PARD3: variants seen among roughly 807,000 people sequenced by gnomAD.
PARD3 encodes the protein par-3 family cell polarity regulator.
In PARD3, 75 loss-of-function variants were observed where a neutral mutation model predicts 155.4. That is an observed-to-expected ratio of 0.48 (90% CI 0.40 to 0.58). PARD3 has a LOEUF of 0.58. Ranked by LOEUF, PARD3 falls within the 20% of genes least tolerant of loss-of-function variation. PARD3 has a pLI of 0.00. For synonymous variants in PARD3, 576 were observed against 610.5 expected (o/e 0.94, Z 0.83); for missense variants, 1,642 against 1,721.7 (o/e 0.95, Z 0.82).
chr10:34,276,869 C>T (rs1955909309), intron 21 of PARD3, among the ~76,000 whole-genome samples: 1 of 152,010 alleles, frequency 6.6e-6, no homozygotes, highest in Non-Finnish European at 1.5e-5. Context: ...TTAAAGACTA[C>T]AAGAAATAGA....
intron 12 of PARD3, among the ~76,000 whole-genome samples, chr10:34,371,680 T>C (rs553700658): frequency 5.9e-5 from 9 of 152,158 alleles, no homozygotes; most frequent in Non-Finnish European, 1.2e-4. Context: ...AAGGGACATA[T>C]TGACATTACC....
chr10:34,371,968 T>C (rs1428173027), intron 12 of PARD3, among the ~76,000 whole-genome samples: 2 of 152,166 alleles, frequency 1.3e-5, no homozygotes, highest in African/African-American at 2.4e-5. Flanking sequence ...AGGATGCAAC[T>C]ATGTTTGCAT....
chr10:34,554,415 A>T (rs1589990483), intron 2 of PARD3, among the ~76,000 whole-genome samples: 1 of 152,358 alleles, frequency 6.6e-6, no homozygotes, highest in East Asian at 1.9e-4. Context: ...TGTATTAAGA[A>T]TGTGAAAGAT....
intron 1 of PARD3, among the ~76,000 whole-genome samples, chr10:34,793,778 CAA>C (rs113341656): frequency 2.9e-4 from 38 of 130,728 alleles, no homozygotes; most frequent in East Asian, 4.5e-4. Context: ...AACTCCATCT[CAA>C]AAAAAAAAAA....
chr10:34,324,162 A>C (rs1277912049), intron 19 of PARD3, among the ~76,000 whole-genome samples: 2 of 152,222 alleles, frequency 1.3e-5, no homozygotes, highest in Non-Finnish European at 2.9e-5. Context: ...ACAGCATAAA[A>C]ATGTTTAGAG....
intron 3 of PARD3, among the ~76,000 whole-genome samples, chr10:34,478,641 T>G (rs1589717661): frequency 6.6e-6 from 1 of 152,146 alleles, no homozygotes; most frequent in African/African-American, 2.4e-5. Flanking sequence ...CCTCCCAGGT[T>G]TAAGTAATTA....
intron 1 of PARD3, among the ~76,000 whole-genome samples, chr10:34,787,316 T>C (rs972327894): frequency 1.3e-5 from 2 of 152,142 alleles, no homozygotes; most frequent in South Asian, 2.1e-4. Flanking sequence ...GAGGCGAAGG[T>C]TGCAGTGAGC....
At chr10:34,192,415 T>C (rs545200245) in intron 22 of PARD3, among the ~76,000 whole-genome samples, 4 of 152,188 alleles carry the variant, frequency 2.6e-5, no homozygotes, top group African/African-American at 9.6e-5. Flanking sequence ...TTTTTCTATC[T>C]GCCCTTTTGG....
At position 34,301,818 on chromosome 10, in the gene PARD3, CTTTTTTTTTTTTTT is replaced by C. The variant is rs5784408; in HGVS notation, c.3065+15275_3065+15288del. Among the ~76,000 whole-genome samples the C allele has an allele frequency of 1.3e-3, 158 of 125,828 alleles. 1 individual carries two copies. The highest frequency in any genetic ancestry group is 4.5e-3 in the African/African-American group (150 of 33,584). 82.5% of individuals were successfully genotyped at this position (125,828 alleles called of 152,430 possible). On this transcript the variant is annotated intron_variant, in intron 20 of 24. Coordinates refer to ENST00000374788, the MANE Select transcript of PARD3 (RefSeq NM_001184785.2). ...TCTTTCTTATTGTTCTTTCTCCTTTCTTTTTTTTTTTTTTTTTTTTAACATCAAATCAAATAAGC... is the reference window on the plus strand; with the variant it reads ...TCTTTCTTATTGTTCTTTCTCCTTTCTTTTTTAACATCAAATCAAATAAGC...
At chr10:34,312,435 C>G (rs1432253007) in intron 20 of PARD3, 9 of 1,588,368 alleles carry the variant, frequency 5.7e-6, no homozygotes, top group Non-Finnish European at 7.8e-6. Context: ...AGGAAAGCAA[C>G]AAGAATCTGT....
intron 2 of PARD3, among the ~76,000 whole-genome samples, chr10:34,690,749 T>C (rs577838065): frequency 1.3e-5 from 2 of 152,130 alleles, no homozygotes; most frequent in Non-Finnish European, 2.9e-5. Flanking sequence ...AGGGAAAACC[T>C]GCGTCTGTAA....
chr10:34,197,739 T>C (rs2133311297), intron 22 of PARD3, among the ~76,000 whole-genome samples: 1 of 152,324 alleles, frequency 6.6e-6, no homozygotes, highest in East Asian at 1.9e-4. Context: ...GTTATTTATT[T>C]ATTTATTTTG....
chr10:34,233,017 A>ATTTTTTTTTT lies in PARD3; in HGVS notation c.3419+36630_3419+36639dup, dbSNP rs3039283. On this transcript the variant is annotated intron_variant, in intron 22 of 24. Coordinates refer to ENST00000374788, the MANE Select transcript of PARD3 (RefSeq NM_001184785.2). Reference sequence around the variant, plus strand: ...GTGCCCGGCCCATCCTCAAATGTTAATTTTTTTTTTTTTTTTTTTTTTGCC... The same window carrying ATTTTTTTTTT: ...GTGCCCGGCCCATCCTCAAATGTTAATTTTTTTTTTTTTTTTTTTTTTTTTTTTTTTTGCC... Among the ~76,000 whole-genome samples, 667 of 96,142 alleles carry ATTTTTTTTTT rather than the reference A, an allele frequency of 6.9e-3. 46 individuals are homozygous for ATTTTTTTTTT. Among genetic ancestry groups the ATTTTTTTTTT allele is most frequent in the African/African-American group, 0.015 (348 of 22,718 alleles). The allele number at this position is 96,142 out of a possible 152,430, so 63.1% of individuals were successfully genotyped here. A position where few individuals can be genotyped will look rare whatever the true frequency, so the allele number is the denominator to read the frequency against.
At chr10:34,343,684 C>T (rs945474599) in intron 15 of PARD3, 18 of 984,514 alleles carry the variant, frequency 1.8e-5, no homozygotes, top group African/African-American at 1.7e-4. Flanking sequence ...CTAGACAATA[C>T]AATGATCCCT....
intron 3 of PARD3, among the ~76,000 whole-genome samples, chr10:34,507,623 C>T (rs2081166808): frequency 1.3e-5 from 2 of 150,388 alleles, no homozygotes; most frequent in African/African-American, 4.9e-5. Context: ...TGTCTGAAAC[C>T]CCATAAAACA....
chr10:34,204,245 C>G (rs1181545403), intron 22 of PARD3, among the ~76,000 whole-genome samples: 1 of 152,122 alleles, frequency 6.6e-6, no homozygotes. Context: ...GTTCAAGAGG[C>G]CAAAGGAGAG....
At chr10:34,782,566 C>G (rs574747323) in intron 1 of PARD3, among the ~76,000 whole-genome samples, 1 of 152,278 alleles carries the variant, frequency 6.6e-6, no homozygotes, top group East Asian at 1.9e-4. Context: ...TTTGGCTGAT[C>G]GAAAGACTTA....
At chr10:34,499,310 G>C (rs2080511484) in intron 3 of PARD3, among the ~76,000 whole-genome samples, 1 of 152,112 alleles carries the variant, frequency 6.6e-6, no homozygotes, top group African/African-American at 2.4e-5. Context: ...AAACCAAATA[G>C]TTATTGTTTC....
At chr10:34,534,278 A>C (rs1284305862) in intron 2 of PARD3, among the ~76,000 whole-genome samples, 3 of 151,802 alleles carry the variant, frequency 2.0e-5, no homozygotes, top group African/African-American at 7.3e-5. Flanking sequence ...AAAAAAAAAA[A>C]GACCCAGAAG....
Sources: allele counts gnomAD v4.1 joint callset (sites outside exome capture counted in the v4.1 genomes callset), GRCh38; gene constraint gnomAD v4.1.1; transcripts MANE v1.5; gene names NCBI Gene and HGNC (gene_info 2026-07-23, HGNC 2026-07-21).